Variants in ATE1 observed in about 807,000 individuals in gnomAD.
The protein encoded by ATE1 is arginyl-tRNA--protein transferase 1.
In ATE1, 36 loss-of-function variants were observed where a neutral mutation model predicts 70.5. The observed-to-expected ratio is 0.51, with a 90% CI of 0.39 to 0.67. The LOEUF is 0.67. ATE1 is among the 30% of genes least tolerant of loss of function. ATE1 has a pLI of 0.00. For missense variants in ATE1, 593 were observed against 629.5 expected, an observed-to-expected ratio of 0.94 and a Z score of 0.62; for synonymous variants, 232 against 219.3, an observed-to-expected ratio of 1.06 and a Z score of -0.51.
chr10:121,875,103 C>T (rs1394482687), intron 7 of ATE1, among the ~76,000 whole-genome samples: 1 of 140,252 alleles, frequency 7.1e-6, no homozygotes, highest in African/African-American at 2.6e-5. Context: ...CGCACCACTG[C>T]ACTCCAGCCT....
At chr10:121,767,849 T>C (rs148310042) in intron 11 of ATE1, among the ~76,000 whole-genome samples, 2 of 152,302 alleles carry the variant, frequency 1.3e-5, no homozygotes, top group East Asian at 3.9e-4. Flanking sequence ...CATTACCATA[T>C]GACCCACCAA....
chr10:121,856,798 C>A (rs1949265575), intron 8 of ATE1, among the ~76,000 whole-genome samples: 1 of 152,158 alleles, frequency 6.6e-6, no homozygotes, highest in Non-Finnish European at 1.5e-5. Context: ...CACAAACCTT[C>A]AATTTGTAAA....
chr10:121,890,112 C>T (rs551067176), intron 7 of ATE1, among the ~76,000 whole-genome samples: 1 of 152,192 alleles, frequency 6.6e-6, no homozygotes, highest in South Asian at 2.1e-4. Context: ...TGTTCAAAAA[C>T]TCCAAAAGTT....
chr10:121,776,663 T>C (rs193270138), intron 11 of ATE1, among the ~76,000 whole-genome samples: 6 of 152,374 alleles, frequency 3.9e-5, no homozygotes, highest in Admixed American at 3.3e-4. Flanking sequence ...GATTCAAAAC[T>C]ACCAGAGTGT....
In ATE1 at chr10:121,875,015, C is replaced by CGGTGGCGGGGGCCT. The variant is rs369007088; in HGVS notation, c.943-4978_943-4977insAGGCCCCCGCCACC. On this transcript the variant is annotated intron_variant, in intron 7 of 11. Coordinates refer to ENST00000224652, the MANE Select transcript of ATE1 (RefSeq NM_001001976.3). ...AAAAAATACAAAAATTAGCCGGGCA[C>CGGTGGCGGGGGCCT]GTAGTCCCAGCTACTCAGGAGGCTG... is the stretch of plus-strand genomic sequence containing the variant. 1.4e-5 allele frequency among the ~76,000 whole-genome samples: 2 copies of CGGTGGCGGGGGCCT among 146,284 alleles called. 1 individual carries two copies. The highest frequency in any genetic ancestry group is 3.0e-5 in the Non-Finnish European group (2 of 66,306).
intron 11 of ATE1, among the ~76,000 whole-genome samples, chr10:121,776,393 A>G (rs1342214368): frequency 6.6e-6 from 1 of 152,190 alleles, no homozygotes; most frequent in East Asian, 1.9e-4. Context: ...AGAGAAGAGC[A>G]AGAGGGTCAT....
At position 121,902,422 on chromosome 10, in the gene ATE1, G is replaced by T; in HGVS notation, c.782C>A (p.Ser261Tyr). The T allele has an allele frequency of 6.2e-7, 1 of 1,614,144 alleles. No homozygotes were observed. Among genetic ancestry groups the T allele is most frequent in the East Asian group, 2.2e-5 (1 of 44,882 alleles). ...CTTGTGTGATGCATTCTCTGGTAAAGACTCAAAAATTAAATCTTCGAGTGA... is the reference window on the plus strand; with the variant it reads ...CTTGTGTGATGCATTCTCTGGTAAATACTCAAAAATTAAATCTTCGAGTGA... The part of the protein sequence containing the change: ...PKSLEDLIFE[S>Y]LPENASHKLE... Residue 261 changes from serine to tyrosine, a missense_variant, in exon 6 of 12, where the codon TCT (serine) becomes TAT (tyrosine). Ser to Tyr is a moderately radical substitution (Grantham distance 144, BLOSUM62 -2). This residue lies in a region of ATE1 where 467 missense variants were observed against 469.6 expected (regional missense o/e 0.99). Coordinates refer to ENST00000224652, the MANE Select transcript of ATE1 (RefSeq NM_001001976.3).
intron 9 of ATE1, among the ~76,000 whole-genome samples, chr10:121,839,877 A>G (rs2133777893): frequency 6.6e-6 from 1 of 152,346 alleles, no homozygotes; most frequent in South Asian, 2.1e-4. Context: ...CTCTTTTATA[A>G]TTCATAAAAA....
intron 7 of ATE1, among the ~76,000 whole-genome samples, chr10:121,871,746 AAAG>A (rs1244191546): frequency 1.3e-5 from 2 of 152,218 alleles, no homozygotes; most frequent in African/African-American, 2.4e-5. Context: ...AAAGGAAAGA[AAAG>A]AAAAAAACAA....
intron 10 of ATE1, 127 bp from the exon 11 acceptor site, chr10:121,790,416 A>G (rs1017207005): frequency 2.6e-4 from 309 of 1,205,014 alleles, no homozygotes; most frequent in Non-Finnish European, 3.4e-4. Context: ...GTTTTACTGT[A>G]AATACTAAGC....
chr10:121,857,563 T>A (rs973587479), intron 8 of ATE1, among the ~76,000 whole-genome samples: 4 of 152,192 alleles, frequency 2.6e-5, no homozygotes, highest in African/African-American at 9.7e-5. Flanking sequence ...CTCAAAGAAC[T>A]AAAAATAGTA....
chr10:121,924,115 T>C (rs1014558439), intron 2 of ATE1, 151 bp downstream of exon 2: 48 of 645,090 alleles, frequency 7.4e-5, no homozygotes, highest in Non-Finnish European at 1.2e-4. Context: ...AACAAAGTTT[T>C]TTAAAAAGGA....
chr10:121,900,715 C>G (rs11200237), intron 6 of ATE1, among the ~76,000 whole-genome samples: 20,063 of 152,142 alleles, frequency 0.13, 1,524 homozygotes, highest in East Asian at 0.19. Flanking sequence ...TGCCGTGAGA[C>G]GTAATTCTAT....
chr10:121,798,060 C>T (rs1946727900), intron 10 of ATE1, among the ~76,000 whole-genome samples: 1 of 152,262 alleles, frequency 6.6e-6, no homozygotes, highest in South Asian at 2.1e-4. Flanking sequence ...ACCATTTCTA[C>T]TTCCACTTTC....
intron 8 of ATE1, among the ~76,000 whole-genome samples, chr10:121,868,599 A>T (rs1336484481): frequency 6.6e-6 from 1 of 152,166 alleles, no homozygotes; most frequent in Non-Finnish European, 1.5e-5. Context: ...GCCACAGATC[A>T]TCTCATTTAA....
In ATE1 at chr10:121,927,983, C is replaced by G; in HGVS notation, c.-34G>C. 1 of 1,458,806 alleles carries G rather than the reference C, an allele frequency of 6.9e-7. No individual in the cohort carries two copies. Among genetic ancestry groups the G allele is most frequent in the Non-Finnish European group, 9.1e-7 (1 of 1,102,704 alleles). The allele number at this position is 1,458,806 out of a possible 1,614,324, so 90.4% of individuals were successfully genotyped here. On this transcript the variant is annotated 5_prime_UTR_variant, in exon 1 of 12. Coordinates refer to ENST00000224652, the MANE Select transcript of ATE1 (RefSeq NM_001001976.3). ...CCCCGCGAACGCTCAGCCGCCCGGCCCCGCGTCGCTAGCGCGGCCGCCGCC... is the reference window on the plus strand; with the variant it reads ...CCCCGCGAACGCTCAGCCGCCCGGCGCCGCGTCGCTAGCGCGGCCGCCGCC...
At chr10:121,744,042 C>T (rs745843509) in intron 11 of ATE1, among the ~76,000 whole-genome samples, 184 bp from the exon 12 acceptor site, 4 of 150,274 alleles carry the variant, frequency 2.7e-5, no homozygotes, top group Non-Finnish European at 5.9e-5. Flanking sequence ...CCTGCCTCAG[C>T]CTCCCAAGTA....
At chr10:121,906,675 T>C (rs1490345959) in intron 5 of ATE1, among the ~76,000 whole-genome samples, 1 of 152,062 alleles carries the variant, frequency 6.6e-6, no homozygotes, top group Non-Finnish European at 1.5e-5. Context: ...CTCAGCTCAC[T>C]GCAACCTCTG....
At chr10:121,913,956 T>C (rs534935836) in intron 3 of ATE1, 63 bp from the exon 4 acceptor site, 2 of 1,290,988 alleles carry the variant, frequency 1.5e-6, no homozygotes, top group African/African-American at 3.0e-5. Flanking sequence ...AAATCAGTTC[T>C]GGATATCACC....
Sources: allele counts gnomAD v4.1 joint callset (sites outside exome capture counted in the v4.1 genomes callset), GRCh38; gene constraint gnomAD v4.1.1; regional missense constraint gnomAD v4.1.1; transcripts MANE v1.5; gene names NCBI Gene and HGNC (gene_info 2026-07-23, HGNC 2026-07-21).